The following CPSF4L variants were observed in gnomAD, a reference collection of about 807,000 sequenced individuals.
CPSF4L encodes the protein putative cleavage and polyadenylation specificity factor subunit 4-like protein.
CPSF4L carries 18 observed loss-of-function variants against 24.0 expected under a neutral mutation model. The ratio of observed to expected loss-of-function variants is 0.75; its 90% CI spans 0.52 to 1.11. The LOEUF (loss-of-function observed/expected upper bound fraction) is 1.11, where lower values mean the gene tolerates loss of function less well. Among genes scored for constraint, CPSF4L ranks in the 50% least tolerant of loss-of-function variants. The pLI is 0.00. For missense variants in CPSF4L, 211 were observed against 221.8 expected (o/e 0.95, Z 0.31); for synonymous variants, 72 against 77.2 (o/e 0.93, Z 0.35).
chr17:73,246,764 G>GA (rs769891645), downstream of CPSF4L, among the ~76,000 whole-genome samples: 1 of 152,122 alleles, frequency 6.6e-6, no homozygotes, highest in Non-Finnish European at 1.5e-5. Context: ...TCTCTGTAAG[G>GA]AAAAAAGTTG....
chr17:73,251,136 C>T (rs2062004312), intron 5 of CPSF4L: 4 of 1,514,318 alleles, frequency 2.6e-6, no homozygotes, highest in Middle Eastern at 1.7e-4. Flanking sequence ...AAAACACCTA[C>T]TGCAGATAGT....
chr17:73,242,979 T>C, the CPSF4L span: 1 of 1,613,844 alleles, frequency 6.2e-7, no homozygotes, highest in Non-Finnish European at 8.5e-7. Context: ...CGTCCTGTGT[T>C]GTAGCTGGAG....
At chr17:73,258,577 C>T (rs2062032428) in intron 2 of CPSF4L, among the ~76,000 whole-genome samples, 1 of 152,202 alleles carries the variant, frequency 6.6e-6, no homozygotes, top group Admixed American at 6.5e-5. Context: ...GCTGGGATTA[C>T]AGGCTTGAGC....
downstream of CPSF4L, chr17:73,247,208 A>G (rs1446079086): frequency 1.2e-6 from 2 of 1,600,158 alleles, no homozygotes; most frequent in Admixed American, 1.7e-5. Flanking sequence ...ATGCCCTGAA[A>G]AGCTGAAAAT....
At chr17:73,250,979 G>A in intron 5 of CPSF4L, 1 of 1,537,134 alleles carries the variant, frequency 6.5e-7, no homozygotes, top group Non-Finnish European at 8.8e-7. Context: ...CCACCCTGTG[G>A]CACAGGCCCT....
the CPSF4L span, chr17:73,243,095 T>TTTGTTTTTTTTTTTG: frequency 1.1e-6 from 1 of 936,786 alleles, no homozygotes; most frequent in African/African-American, 1.8e-5. Context: ...TTTTTTTTTT[T>TTTGTTTTTTTTTTTG]TTTTTTACAG....
At chr17:73,261,305 AAG>A (rs1444887248) in intron 1 of CPSF4L, among the ~76,000 whole-genome samples, 1 of 152,198 alleles carries the variant, frequency 6.6e-6, no homozygotes, top group East Asian at 1.9e-4. Flanking sequence ...GAAGCCACAG[AAG>A]AGAGAGACAG....
chr17:73,246,144 A>G (rs865836415), downstream of CPSF4L, among the ~76,000 whole-genome samples: 163 of 152,302 alleles, frequency 1.1e-3, 2 homozygotes, highest in Middle Eastern at 0.01. Flanking sequence ...GGTTAGTTAT[A>G]TATCACACGC....
At position 73,248,485 on chromosome 17, in the gene CPSF4L, A is replaced by G; in HGVS notation, c.*9T>C. On this transcript the variant is annotated 3_prime_UTR_variant, in exon 6 of 6. Transcript: ENST00000344935. ...GCATTGGAGTGCCCCGCTAGGTAAGAAGCAACGCTTAGATCTTGCTTCCAG... is the reference window on the plus strand; with the variant it reads ...GCATTGGAGTGCCCCGCTAGGTAAGGAGCAACGCTTAGATCTTGCTTCCAG... The G allele has an allele frequency of 6.4e-7, 1 of 1,551,606 alleles. No homozygotes were observed. Among genetic ancestry groups the G allele is most frequent in the Non-Finnish European group, 8.7e-7 (1 of 1,146,924 alleles).
chr17:73,242,552 T>C, the CPSF4L span, among the ~76,000 whole-genome samples: 4 of 152,220 alleles, frequency 2.6e-5, no homozygotes, highest in Non-Finnish European at 4.4e-5. Context: ...AGCTACCATT[T>C]ATTCAACAGC....
the CPSF4L span, chr17:73,242,215 A>G: frequency 1.4e-6 from 2 of 1,471,382 alleles, no homozygotes; most frequent in African/African-American, 1.4e-5. Flanking sequence ...TCGGTAAACA[A>G]TGACAGTGAC....
chr17:73,246,400 G>A (rs2061951092), downstream of CPSF4L, among the ~76,000 whole-genome samples: 1 of 152,168 alleles, frequency 6.6e-6, no homozygotes, highest in African/African-American at 2.4e-5. Flanking sequence ...GCTGAGCTCA[G>A]TGGCACACGC....
chr17:73,245,150 GTC>G, downstream of CPSF4L: 1 of 1,613,436 alleles, frequency 6.2e-7, no homozygotes, highest in African/African-American at 1.3e-5. Context: ...CCTTACATTT[GTC>G]TCTGTTTATC....
intron 2 of CPSF4L, 137 bp from the exon 3 acceptor site, chr17:73,257,970 G>T: frequency 1.2e-6 from 1 of 815,946 alleles, no homozygotes; most frequent in Non-Finnish European, 1.9e-6. Context: ...CCTGGACCCT[G>T]TAGGGGCTGG....
intron 3 of CPSF4L, among the ~76,000 whole-genome samples, chr17:73,254,446 T>G (rs2062016823): frequency 1.3e-5 from 2 of 152,200 alleles, no homozygotes; most frequent in Non-Finnish European, 2.9e-5. Context: ...AGGGAAGCTG[T>G]TCCCCTTGGT....
intron 5 of CPSF4L, among the ~76,000 whole-genome samples, chr17:73,249,629 C>T (rs2061994936): frequency 1.3e-5 from 2 of 152,264 alleles, no homozygotes; most frequent in African/African-American, 4.8e-5. Context: ...TTCCAAAAGG[C>T]TCAGCACAGC....
At chr17:73,250,732 G>A (rs921642196) in intron 5 of CPSF4L, among the ~76,000 whole-genome samples, 4 of 152,284 alleles carry the variant, frequency 2.6e-5, no homozygotes, top group African/African-American at 4.8e-5. Flanking sequence ...TTTTAAGGAC[G>A]TTATGTACAA....
chr17:73,248,700 A>G lies in CPSF4L; in HGVS notation c.498-164T>C, dbSNP rs552963957. 772 of 716,326 alleles carry G rather than the reference A, an allele frequency of 1.1e-3. 4 individuals carry two copies. Among genetic ancestry groups the G allele is most frequent in the Non-Finnish European group, 1.6e-3 (651 of 419,832 alleles). The allele number at this position is 716,326 out of a possible 1,614,324, so 44.4% of individuals were successfully genotyped here. A position where few individuals can be genotyped will look rare whatever the true frequency, so the allele number is the denominator to read the frequency against. ...CTACAAGTTGGGAATATTCACGGAC[A>G]TGCCTGAATACCCCGGCTGTAACTC... On this transcript the variant is annotated intron_variant, in intron 5 of 5. Transcript: ENST00000344935.
intron 5 of CPSF4L, among the ~76,000 whole-genome samples, chr17:73,250,605 G>A (rs2062001191): frequency 6.6e-6 from 1 of 152,160 alleles, no homozygotes; most frequent in South Asian, 2.1e-4. Context: ...CTATGAGAAT[G>A]AAGATATGAT....
Sources: allele counts gnomAD v4.1 joint callset (sites outside exome capture counted in the v4.1 genomes callset), GRCh38; gene constraint gnomAD v4.1.1; transcripts MANE v1.5; gene names NCBI Gene and HGNC (gene_info 2026-07-23, HGNC 2026-07-21).